The following CFTR variants were observed in gnomAD, a reference collection of about 807,000 sequenced individuals.
CFTR encodes CF transmembrane conductance regulator, also known as cystic fibrosis transmembrane conductance regulator.
Under a neutral mutation model 171.6 loss-of-function variants are expected in CFTR, and 181 were observed. The observed-to-expected ratio is 1.05, with a 90% CI of 0.93 to 1.19. CFTR has a LOEUF of 1.19. CFTR is among the 50% of genes most tolerant of loss of function. The pLI, the probability that CFTR is intolerant of heterozygous loss-of-function variation, is 0.00. For synonymous variants in CFTR, 583 were observed against 608.0 expected, an observed-to-expected ratio of 0.96 and a Z score of 0.60; for missense variants, 1,968 against 1,734.7, an observed-to-expected ratio of 1.13 and a Z score of -2.39.
intron 23 of CFTR, among the ~76,000 whole-genome samples, chr7:117,649,304 A>G (rs537495458): frequency 8.3e-4 from 123 of 148,356 alleles, no homozygotes; most frequent in African/African-American, 1.9e-3. Flanking sequence ...GTGTGTGTGT[A>G]TATGTGTGTG....
intron 16 of CFTR, 74 bp from the exon 17 acceptor site, chr7:117,603,458 G>T (rs1792254845): frequency 6.4e-7 from 1 of 1,556,116 alleles, no homozygotes. Context: ...CTCAAGTTTA[G>T]TTCCATTTAC....
chr7:117,658,095 A>G (rs1249329213), intron 24 of CFTR, among the ~76,000 whole-genome samples: 2 of 152,196 alleles, frequency 1.3e-5, no homozygotes, highest in Non-Finnish European at 2.9e-5. Context: ...AAGGGAAGAG[A>G]GTTTCTAAAA....
chr7:117,550,368 C>T (rs1799248067), intron 10 of CFTR, among the ~76,000 whole-genome samples: 1 of 151,712 alleles, frequency 6.6e-6, no homozygotes, highest in African/African-American at 2.4e-5. Flanking sequence ...GCTAATAATA[C>T]AATTTGGTTG....
intron 23 of CFTR, among the ~76,000 whole-genome samples, chr7:117,651,078 A>G (rs35453239): frequency 0.084 from 12,791 of 152,242 alleles, 750 homozygotes; most frequent in Middle Eastern, 0.14. Context: ...TGACATGAAG[A>G]TTGAAAGAGG....
At chr7:117,604,921 A>C (rs1347886234) in intron 17 of CFTR, 2 of 152,346 alleles carry the variant, frequency 1.3e-5, no homozygotes, top group African/African-American at 4.8e-5. Flanking sequence ...GCATTGCCTG[A>C]GCTCTGAGTT....
intron 3 of CFTR, among the ~76,000 whole-genome samples, chr7:117,524,271 C>T (rs1161361181): frequency 6.6e-6 from 1 of 151,752 alleles, no homozygotes; most frequent in Non-Finnish European, 1.5e-5. Context: ...GTAAATAATG[C>T]CCCTTGCTCT....
chr7:117,543,847 T>G (rs1005309080), intron 9 of CFTR, among the ~76,000 whole-genome samples: 1 of 152,180 alleles, frequency 6.6e-6, no homozygotes, highest in Admixed American at 6.6e-5. Flanking sequence ...TATAAATGAG[T>G]CTTCCAATAC....
chr7:117,658,662 T>G (rs1266357142), intron 24 of CFTR, among the ~76,000 whole-genome samples: 1 of 152,152 alleles, frequency 6.6e-6, no homozygotes, highest in East Asian at 1.9e-4. Context: ...ATCCTCCAGT[T>G]TCCCAAGGCC....
At chr7:117,547,446 G>T (rs35396010) in intron 9 of CFTR, among the ~76,000 whole-genome samples, 2 of 151,840 alleles carry the variant, frequency 1.3e-5, no homozygotes, top group African/African-American at 4.8e-5. Context: ...AATATAACTT[G>T]CTTTCTGTCA....
chr7:117,543,460 A>G (rs1436372384), intron 9 of CFTR, among the ~76,000 whole-genome samples: 1 of 152,170 alleles, frequency 6.6e-6, no homozygotes, highest in East Asian at 1.9e-4. Context: ...GTCTCACTCC[A>G]TCTAATCAAA....
At chr7:117,501,777 A>AAAAAAAAAAAAAAAC (rs1798334681) in intron 1 of CFTR, among the ~76,000 whole-genome samples, 1 of 135,738 alleles carries the variant, frequency 7.4e-6, no homozygotes, top group Non-Finnish European at 1.6e-5. Flanking sequence ...AAAAAGAAAC[A>AAAAAAAAAAAAAAAC]AAAAAAAAAA....
chr7:117,643,789 G>T (rs1792955419), intron 23 of CFTR, among the ~76,000 whole-genome samples: 1 of 152,122 alleles, frequency 6.6e-6, no homozygotes, highest in African/African-American at 2.4e-5. Flanking sequence ...AAGTCTTGTG[G>T]TCCCATTTTT....
At chr7:117,593,572 T>C (rs1792070267) in intron 14 of CFTR, among the ~76,000 whole-genome samples, 1 of 152,130 alleles carries the variant, frequency 6.6e-6, no homozygotes, top group African/African-American at 2.4e-5. Flanking sequence ...TGATAATTCA[T>C]CTATATAGTG....
At chr7:117,500,456 T>A (rs1798306481) in intron 1 of CFTR, among the ~76,000 whole-genome samples, 1 of 151,738 alleles carries the variant, frequency 6.6e-6, no homozygotes, top group Non-Finnish European at 1.5e-5. Flanking sequence ...CTGGCTAATT[T>A]TTTTTGTATT....
At chr7:117,623,999 T>G (rs943706405) in intron 21 of CFTR, among the ~76,000 whole-genome samples, 1 of 152,140 alleles carries the variant, frequency 6.6e-6, no homozygotes, top group Non-Finnish European at 1.5e-5. Flanking sequence ...TGGATTCTTT[T>G]TTTTTTAAGA....
chr7:117,603,400 G>T, intron 16 of CFTR, 132 bp from the exon 17 acceptor site: 1 of 871,450 alleles, frequency 1.1e-6, no homozygotes, highest in Non-Finnish European at 1.9e-6. Flanking sequence ...ATGATTTTGA[G>T]GTTAAGGGTG....
intron 1 of CFTR, among the ~76,000 whole-genome samples, chr7:117,500,065 G>T (rs1158467653): frequency 6.6e-6 from 1 of 152,076 alleles, no homozygotes; most frequent in Non-Finnish European, 1.5e-5. Flanking sequence ...CTGATTTCTA[G>T]TGGAAGAAAT....
intron 21 of CFTR, among the ~76,000 whole-genome samples, chr7:117,619,988 T>C (rs576980737): frequency 3.9e-5 from 6 of 152,180 alleles, no homozygotes; most frequent in Non-Finnish European, 8.8e-5. Context: ...GGAACCTGGC[T>C]TTTCTGCATT....
chr7:117,629,261 C>T (rs1562919884), intron 22 of CFTR, among the ~76,000 whole-genome samples: 1 of 152,176 alleles, frequency 6.6e-6, no homozygotes, highest in African/African-American at 2.4e-5. Flanking sequence ...AAATTACTCA[C>T]ATAAGGCTAT....
Sources: allele counts gnomAD v4.1 joint callset (sites outside exome capture counted in the v4.1 genomes callset), GRCh38; gene constraint gnomAD v4.1.1; transcripts MANE v1.5; gene names NCBI Gene and HGNC (gene_info 2026-07-23, HGNC 2026-07-21).